NLK: variants seen among roughly 807,000 people sequenced by gnomAD.
The protein encoded by NLK is serine/threonine-protein kinase NLK.
A neutral mutation model predicts 59.0 loss-of-function variants in NLK; 11 were observed. The ratio of observed to expected loss-of-function variants is 0.19; its 90% CI spans 0.12 to 0.31. The LOEUF (loss-of-function observed/expected upper bound fraction) is 0.31. NLK is among the 10% of genes least tolerant of loss of function. The pLI is 1.00. For missense variants in NLK, 410 were observed against 661.1 expected (o/e 0.62, Z 4.16); for synonymous variants, 235 against 235.9 (o/e 1.00, Z 0.03).
intron 9 of NLK, among the ~76,000 whole-genome samples, chr17:28,191,484 C>T (rs573249233): frequency 6.6e-6 from 1 of 152,306 alleles, no homozygotes; most frequent in African/African-American, 2.4e-5. Flanking sequence ...AATATGTATT[C>T]ACTCAGTGTC....
intron 4 of NLK, among the ~76,000 whole-genome samples, chr17:28,162,573 G>C (rs1326186980): frequency 1.3e-5 from 2 of 152,092 alleles, no homozygotes; most frequent in Non-Finnish European, 2.9e-5. Flanking sequence ...GGAGGTGGAG[G>C]CTGCAGGGAG....
At chr17:28,089,465 G>GT (rs971010867) in intron 1 of NLK, among the ~76,000 whole-genome samples, 1,690 of 137,016 alleles carry the variant, frequency 0.012, 21 homozygotes, top group African/African-American at 0.027. Flanking sequence ...TAGTTTTGTT[G>GT]TTTTTTTTTT....
At chr17:28,161,424 A>G (rs1908000074) in intron 4 of NLK, among the ~76,000 whole-genome samples, 158 bp downstream of exon 4, 1 of 152,208 alleles carries the variant, frequency 6.6e-6, no homozygotes. Flanking sequence ...ATTTAATGTT[A>G]AAGAGGAAGC....
intron 1 of NLK, among the ~76,000 whole-genome samples, chr17:28,117,180 A>G (rs559964486): frequency 6.6e-6 from 1 of 152,304 alleles, no homozygotes; most frequent in Admixed American, 6.5e-5. Flanking sequence ...ACTGAGGAGG[A>G]AGTCTCTGTA....
At chr17:28,152,156 G>T (rs776040450) in intron 3 of NLK, among the ~76,000 whole-genome samples, 7 of 152,206 alleles carry the variant, frequency 4.6e-5, no homozygotes, top group Non-Finnish European at 8.8e-5. Flanking sequence ...TGAAATGTCA[G>T]ATTTCTTTTT....
intron 7 of NLK, among the ~76,000 whole-genome samples, chr17:28,175,759 C>T (rs1908653410): frequency 6.6e-6 from 1 of 152,142 alleles, no homozygotes; most frequent in Non-Finnish European, 1.5e-5. Flanking sequence ...AAATATTAAC[C>T]ATTAAAGTTA....
At chr17:28,062,675 G>C (rs1233698508) in intron 1 of NLK, among the ~76,000 whole-genome samples, 1 of 152,028 alleles carries the variant, frequency 6.6e-6, no homozygotes, top group Non-Finnish European at 1.5e-5. Flanking sequence ...CTGCCTCCCG[G>C]GTTCAAGCGA....
intron 1 of NLK, among the ~76,000 whole-genome samples, chr17:28,101,961 C>CT (rs1904917551): frequency 6.6e-6 from 1 of 152,100 alleles, no homozygotes; most frequent in Admixed American, 6.5e-5. Context: ...CTGCCTTATG[C>CT]TTACATGCTA....
chr17:28,061,917 A>G (rs1360681814), intron 1 of NLK: 8 of 142,536 alleles, frequency 5.6e-5, no homozygotes, highest in Non-Finnish European at 1.2e-4. Context: ...ATATACATAT[A>G]TATACATATA....
chr17:28,172,938 A>T (rs139232976), intron 7 of NLK, among the ~76,000 whole-genome samples: 6 of 152,286 alleles, frequency 3.9e-5, no homozygotes, highest in Non-Finnish European at 7.4e-5. Flanking sequence ...ATAACCTACT[A>T]CATGTATATC....
intron 1 of NLK, among the ~76,000 whole-genome samples, chr17:28,053,788 A>G (rs1264675864): frequency 6.6e-6 from 1 of 152,164 alleles, no homozygotes; most frequent in Non-Finnish European, 1.5e-5. Flanking sequence ...TAAGCAGGTG[A>G]TTTTTCTTAC....
chr17:28,122,572 T>G, intron 1 of NLK, 31 bp from the exon 2 acceptor site: 1 of 1,611,652 alleles, frequency 6.2e-7, no homozygotes, highest in Non-Finnish European at 8.5e-7. Flanking sequence ...TCTGTCTTTT[T>G]TTTCCCCTTC....
At chr17:28,177,162 G>C (rs1242762447) in intron 7 of NLK, among the ~76,000 whole-genome samples, 1 of 152,062 alleles carries the variant, frequency 6.6e-6, no homozygotes, top group Non-Finnish European at 1.5e-5. Flanking sequence ...TGGCAGAGGC[G>C]AAAGTGGTGG....
chr17:28,042,960 C>T lies in NLK; in HGVS notation c.87C>T (p.His29=). 6.4e-7 allele frequency: 1 copy of T among 1,554,790 alleles called. No individual in the cohort carries two copies. The highest frequency in any genetic ancestry group is 8.7e-7 in the Non-Finnish European group (1 of 1,148,744). The change falls in exon 1 of 11, where the codon CAC becomes CAT. Residue 29 remains histidine (H), a synonymous_variant. Coordinates refer to ENST00000407008, the MANE Select transcript of NLK (RefSeq NM_016231.5). ...CTGCAGCAGCAGCAGGTCACCACCA[C>T]CACCATCACCACCACCTTCCACACC... ...GTSAAAAGHH[H]HHHHHLPHLP...
At chr17:28,137,975 A>G (rs1037651640) in intron 3 of NLK, among the ~76,000 whole-genome samples, 9 of 152,108 alleles carry the variant, frequency 5.9e-5, no homozygotes, top group African/African-American at 2.2e-4. Flanking sequence ...TTAGCTTTTA[A>G]AGGATTACAT....
At chr17:28,046,218 G>A (rs962063461) in intron 1 of NLK, among the ~76,000 whole-genome samples, 3 of 152,174 alleles carry the variant, frequency 2.0e-5, no homozygotes, top group Admixed American at 1.3e-4. Context: ...TAGTCTAGCT[G>A]ACTTGATTTA....
chr17:28,204,837 C>T, the NLK span, among the ~76,000 whole-genome samples: 1 of 152,188 alleles, frequency 6.6e-6, no homozygotes. Flanking sequence ...CTGTTGAATG[C>T]ACTTCCTAAA....
At chr17:28,070,291 A>G (rs1243302171) in intron 1 of NLK, among the ~76,000 whole-genome samples, 1 of 146,816 alleles carries the variant, frequency 6.8e-6, no homozygotes, top group Non-Finnish European at 1.5e-5. Flanking sequence ...ATTCTCTTTT[A>G]TTTTTTCTGG....
At chr17:28,199,695 C>CAAA (rs61425914), downstream of NLK, among the ~76,000 whole-genome samples, 1 of 94,858 alleles carries the variant, frequency 1.1e-5, no homozygotes, top group Non-Finnish European at 2.0e-5. Context: ...CAAAACAAAA[C>CAAA]AAAAAAAAAA....
Sources: gnomAD v4.1 joint callset for allele counts (sites outside exome capture counted in the v4.1 genomes callset) on GRCh38, gnomAD v4.1.1 for gene constraint, MANE v1.5 for transcripts, NCBI Gene and HGNC (gene_info 2026-07-23, HGNC 2026-07-21) for gene names.